Variants in WWOX observed in about 807,000 individuals in gnomAD.
WWOX encodes the protein WW domain containing oxidoreductase, also known as WW domain-containing oxidoreductase.
Under a neutral mutation model 46.2 loss-of-function variants are expected in WWOX, and 69 were observed. That is an observed-to-expected ratio of 1.49 (90% confidence interval 1.23 to 1.82). The LOEUF is 1.82. Ranked by LOEUF, WWOX falls within the 40% of genes most tolerant of loss-of-function variation. The pLI is 0.00. For missense variants in WWOX, 919 were observed against 542.6 expected (o/e 1.69, Z -6.89); for synonymous variants, 359 against 202.6 (o/e 1.77, Z -6.56).
intron 5 of WWOX, among the ~76,000 whole-genome samples, chr16:78,314,711 T>TTGTTTTTTTTTTTTG (rs1555517906): frequency 7.1e-6 from 1 of 140,714 alleles, no homozygotes; most frequent in African/African-American, 2.8e-5. Context: ...GTTTTTTTTT[T>TTGTTTTTTTTTTTTG]TTTTTTTTTT....
intron 8 of WWOX, among the ~76,000 whole-genome samples, chr16:78,562,592 G>A (rs1470289450): frequency 6.6e-6 from 1 of 152,134 alleles, no homozygotes; most frequent in Admixed American, 6.5e-5. Flanking sequence ...ACCCTGCTGG[G>A]CCTGTCACTT....
At chr16:79,107,369 C>T (rs2049331947) in intron 8 of WWOX, among the ~76,000 whole-genome samples, 1 of 152,026 alleles carries the variant, frequency 6.6e-6, no homozygotes, top group African/African-American at 2.4e-5. Context: ...ATGACAGGCA[C>T]GAGTCACCGC....
At chr16:78,293,752 C>T (rs558927578) in intron 5 of WWOX, among the ~76,000 whole-genome samples, 3 of 152,006 alleles carry the variant, frequency 2.0e-5, no homozygotes. Flanking sequence ...CCGAGGCTGG[C>T]AGATCACGAG....
chr16:79,122,553 C>T (rs1029295635), intron 8 of WWOX, among the ~76,000 whole-genome samples: 3 of 151,626 alleles, frequency 2.0e-5, no homozygotes, highest in African/African-American at 4.8e-5. Context: ...TTTGTCCCTT[C>T]CTTCCCCTCA....
intron 5 of WWOX, among the ~76,000 whole-genome samples, chr16:78,254,472 T>C (rs139668583): frequency 7.1e-4 from 104 of 147,452 alleles, no homozygotes; most frequent in Non-Finnish European, 1.3e-3. Flanking sequence ...CCACCTCTGT[T>C]CCATCACTTT....
chr16:78,659,871 AGTCCGG>A (rs2047172519), intron 8 of WWOX, among the ~76,000 whole-genome samples: 2 of 152,174 alleles, frequency 1.3e-5, no homozygotes, highest in Non-Finnish European at 2.9e-5. Flanking sequence ...GGAAGAGCAA[AGTCCGG>A]GTCCCCAGGC....
In WWOX at chr16:78,588,210, G is replaced by C. The variant is rs112459704; in HGVS notation, c.1056+155458G>C. On this transcript the variant is annotated intron_variant, in intron 8 of 8. Coordinates refer to ENST00000566780, the MANE Select transcript of WWOX (RefSeq NM_016373.4). ...CTCCATTGCTCCAGGTGAAGCTCTT[G>C]AAATACTCTGTAGATGACAATAGCC... is the stretch of plus-strand genomic sequence containing the variant. 9.5e-3 allele frequency among the ~76,000 whole-genome samples: 1,452 copies of C among 152,300 alleles called. 19 individuals carry two copies. The highest frequency in any genetic ancestry group is 0.034 in the African/African-American group (1,396 of 41,552).
intron 5 of WWOX, among the ~76,000 whole-genome samples, chr16:78,284,160 G>T (rs529786838): frequency 3.3e-5 from 5 of 152,290 alleles, no homozygotes; most frequent in Admixed American, 3.3e-4. Flanking sequence ...TAGGGTCACT[G>T]GTTTAAGGGG....
chr16:79,051,257 G>C (rs2048161971), intron 8 of WWOX, among the ~76,000 whole-genome samples: 1 of 152,188 alleles, frequency 6.6e-6, no homozygotes, highest in Non-Finnish European at 1.5e-5. Context: ...TTGGGAAGTG[G>C]ACTCACCAAT....
At chr16:78,760,790 C>G (rs1283597000) in intron 8 of WWOX, among the ~76,000 whole-genome samples, 6 of 152,164 alleles carry the variant, frequency 3.9e-5, no homozygotes, top group Non-Finnish European at 8.8e-5. Context: ...TTTCACTCTG[C>G]TGATAAAGAC....
At chr16:79,162,494 C>G (rs2050506427) in intron 8 of WWOX, among the ~76,000 whole-genome samples, 1 of 152,216 alleles carries the variant, frequency 6.6e-6, no homozygotes, top group South Asian at 2.1e-4. Context: ...CTCTAGTAGG[C>G]AACATTGATG....
intron 8 of WWOX, among the ~76,000 whole-genome samples, chr16:79,069,487 T>A (rs1194511850): frequency 6.6e-6 from 1 of 151,994 alleles, no homozygotes; most frequent in Non-Finnish European, 1.5e-5. Context: ...ACTTAGGAAC[T>A]AAGAACCGAC....
intron 8 of WWOX, among the ~76,000 whole-genome samples, chr16:78,907,649 C>T (rs552276381): frequency 1.3e-5 from 2 of 152,226 alleles, no homozygotes; most frequent in African/African-American, 4.8e-5. Context: ...AATTTTCTTA[C>T]TCTTACAATT....
chr16:79,207,253 G>A (rs577208046), intron 8 of WWOX, among the ~76,000 whole-genome samples: 1 of 152,350 alleles, frequency 6.6e-6, no homozygotes, highest in East Asian at 1.9e-4. Flanking sequence ...GGCTGGCTTT[G>A]CATTTGAGAA....
chr16:78,420,703 T>C (rs2082906602), intron 6 of WWOX, among the ~76,000 whole-genome samples: 1 of 151,798 alleles, frequency 6.6e-6, no homozygotes, highest in African/African-American at 2.4e-5. Context: ...AGAATGTAGT[T>C]ATGGTTGTAC....
At chr16:78,803,458 C>G (rs1373894058) in intron 8 of WWOX, among the ~76,000 whole-genome samples, 1 of 151,634 alleles carries the variant, frequency 6.6e-6, no homozygotes, top group African/African-American at 2.4e-5. Context: ...ACTCTTTTTT[C>G]TTTTTTGAGA....
At chr16:78,287,789 A>G (rs1308712753) in intron 5 of WWOX, among the ~76,000 whole-genome samples, 1 of 152,128 alleles carries the variant, frequency 6.6e-6, no homozygotes, top group Non-Finnish European at 1.5e-5. Flanking sequence ...TTTTTTTCCT[A>G]AACTTAAAAA....
intron 8 of WWOX, among the ~76,000 whole-genome samples, chr16:78,579,138 T>C (rs2044981897): frequency 6.6e-6 from 1 of 152,212 alleles, no homozygotes; most frequent in Non-Finnish European, 1.5e-5. Context: ...TTATTGTGGG[T>C]GTTAAAAATC....
chr16:78,330,820 A>G (rs547365429), intron 5 of WWOX, among the ~76,000 whole-genome samples: 91 of 152,338 alleles, frequency 6.0e-4, no homozygotes, highest in African/African-American at 2.2e-3. Flanking sequence ...CTTCATTTGT[A>G]CTTTCAAACT....
Sources: allele counts gnomAD v4.1 joint callset (sites outside exome capture counted in the v4.1 genomes callset), GRCh38; gene constraint gnomAD v4.1.1; transcripts MANE v1.5; gene names NCBI Gene and HGNC (gene_info 2026-07-23, HGNC 2026-07-21).